SPIDR: variants seen among roughly 807,000 people sequenced by gnomAD.
SPIDR encodes DNA repair-scaffolding protein.
Under a neutral mutation model 104.6 loss-of-function variants are expected in SPIDR, and 93 were observed. The ratio of observed to expected loss-of-function variants is 0.89; its 90% CI spans 0.75 to 1.06. SPIDR has a LOEUF of 1.06. Ranked by LOEUF, SPIDR falls within the 50% of genes least tolerant of loss-of-function variation. The pLI, the probability that SPIDR is intolerant of heterozygous loss-of-function variation, is 0.00. For missense variants in SPIDR, 1,154 were observed against 1,111.2 expected, an observed-to-expected ratio of 1.04 and a Z score of -0.55; for synonymous variants, 431 against 416.9, an observed-to-expected ratio of 1.03 and a Z score of -0.41.
chr8:47,329,471 G>A (rs374035377), intron 5 of SPIDR, among the ~76,000 whole-genome samples: 13 of 152,088 alleles, frequency 8.5e-5, no homozygotes, highest in East Asian at 3.9e-4. Flanking sequence ...GCCTCGCAAC[G>A]TGTTGTATTA....
chr8:47,547,085 G>A, intron 8 of SPIDR: 1 of 544,184 alleles, frequency 1.8e-6, no homozygotes, highest in South Asian at 1.6e-5. Context: ...TGAAATCAGT[G>A]ATCTTGCCAG....
intron 8 of SPIDR, among the ~76,000 whole-genome samples, chr8:47,575,038 C>G (rs954857594): frequency 6.6e-6 from 1 of 152,064 alleles, no homozygotes; most frequent in East Asian, 1.9e-4. Flanking sequence ...CAAAACAGAA[C>G]CCCTGAGCTG....
At chr8:47,387,897 C>G (rs1554649281) in intron 5 of SPIDR, among the ~76,000 whole-genome samples, 3 of 152,184 alleles carry the variant, frequency 2.0e-5, no homozygotes, top group African/African-American at 7.2e-5. Flanking sequence ...ACTGTTAAAC[C>G]TGACATTCAA....
chr8:47,341,299 C>G (rs1426700690), intron 5 of SPIDR, among the ~76,000 whole-genome samples: 1 of 152,126 alleles, frequency 6.6e-6, no homozygotes, highest in Non-Finnish European at 1.5e-5. Flanking sequence ...ATGATATTCC[C>G]TTTCCATATG....
intron 14 of SPIDR, 23 bp downstream of exon 14, chr8:47,702,038 C>G: frequency 6.3e-7 from 1 of 1,583,868 alleles, no homozygotes; most frequent in Non-Finnish European, 8.6e-7. Flanking sequence ...CTCAATCTCT[C>G]AATCTCTCAG....
chr8:47,366,647 G>T (rs543134743), intron 5 of SPIDR, among the ~76,000 whole-genome samples: 1 of 151,728 alleles, frequency 6.6e-6, no homozygotes, highest in South Asian at 2.1e-4. Flanking sequence ...TTGGCAGGCT[G>T]GCGCCTGGTG....
intron 19 of SPIDR, among the ~76,000 whole-genome samples, chr8:47,731,964 C>G (rs2085320393): frequency 6.6e-6 from 1 of 152,240 alleles, no homozygotes; most frequent in Non-Finnish European, 1.5e-5. Flanking sequence ...TCAACAGATT[C>G]AACCAACTCT....
At position 47,708,363 on chromosome 8, in the gene SPIDR, C is replaced by A. The variant is rs2081375012; in HGVS notation, c.1978-4299C>A. On this transcript the variant is annotated intron_variant, in intron 14 of 19. Transcript: ENST00000297423. ...CAGGGCTATAAAAATTTTTATTAGA[C>A]TTTTTTCTTTTAGAGCAGTTTTAGG... Among the ~76,000 whole-genome samples the A allele has an allele frequency of 2.0e-5, 3 of 152,260 alleles. No homozygotes were observed. The South Asian group carries it at 6.2e-4, about 32-fold the overall frequency.
intron 10 of SPIDR, among the ~76,000 whole-genome samples, chr8:47,605,060 G>A (rs2062775425): frequency 6.6e-6 from 1 of 152,262 alleles, no homozygotes; most frequent in African/African-American, 2.4e-5. Context: ...AGCCAGGGCT[G>A]TGGAGGAGGT....
At position 47,458,790 on chromosome 8, in the gene SPIDR, C is replaced by T. The variant is rs571221819; in HGVS notation, c.1097+18248C>T. 3.9e-5 allele frequency among the ~76,000 whole-genome samples: 6 copies of T among 151,968 alleles called. No homozygotes were observed. In the South Asian group the frequency reaches 8.3e-4, roughly 21 times the overall value. On this transcript the variant is annotated intron_variant, in intron 8 of 19. Transcript: ENST00000297423. ...GCTGTGGGTTTATTACATTGAGGTA[C>T]ATCCTTGTATGCTGATTTTGCTGAG...
intron 16 of SPIDR, among the ~76,000 whole-genome samples, chr8:47,714,300 G>C (rs1041511177): frequency 3.9e-5 from 6 of 152,290 alleles, no homozygotes; most frequent in Admixed American, 2.0e-4. Flanking sequence ...GGAGGCAGAA[G>C]ACATCTGACA....
chr8:47,381,678 C>T (rs2059343837), intron 5 of SPIDR, among the ~76,000 whole-genome samples: 1 of 152,184 alleles, frequency 6.6e-6, no homozygotes, highest in South Asian at 2.1e-4. Context: ...CAGAAACCAG[C>T]GATTGGCAGG....
intron 8 of SPIDR, among the ~76,000 whole-genome samples, chr8:47,444,279 A>AT (rs1197048276): frequency 2.0e-5 from 3 of 152,224 alleles, no homozygotes; most frequent in African/African-American, 7.2e-5. Flanking sequence ...CATCTGCCTG[A>AT]TTACATCCTG....
chr8:47,553,950 T>C (rs2090955069), intron 8 of SPIDR, among the ~76,000 whole-genome samples: 1 of 152,208 alleles, frequency 6.6e-6, no homozygotes. Flanking sequence ...CCTTCCTGTT[T>C]GTTTGTTTTC....
At chr8:47,435,559 T>C (rs1464276710) in intron 7 of SPIDR, among the ~76,000 whole-genome samples, 8 of 152,262 alleles carry the variant, frequency 5.3e-5, no homozygotes, top group African/African-American at 1.7e-4. Flanking sequence ...TGAATCTTTC[T>C]GTTCCTGTTT....
intron 10 of SPIDR, among the ~76,000 whole-genome samples, chr8:47,644,337 TAGCTGTGCCCCAC>T (rs894858529): frequency 7.9e-5 from 12 of 152,344 alleles, no homozygotes; most frequent in Admixed American, 2.0e-4. Flanking sequence ...CTCTCCTTCT[TAGCTGTGCCCCAC>T]AGCTGTGCCC....
intron 5 of SPIDR, among the ~76,000 whole-genome samples, chr8:47,338,303 C>T (rs2050133607): frequency 6.6e-6 from 1 of 152,056 alleles, no homozygotes; most frequent in East Asian, 1.9e-4. Context: ...ATGAAATTCC[C>T]CATATAAATT....
At chr8:47,397,293 C>T (rs1179635836) in intron 6 of SPIDR, among the ~76,000 whole-genome samples, 1 of 152,074 alleles carries the variant, frequency 6.6e-6, no homozygotes, top group Non-Finnish European at 1.5e-5. Context: ...GTCAGGAGTT[C>T]GAGACCAGCC....
chr8:47,393,766 T>A (rs1281474566), intron 5 of SPIDR, among the ~76,000 whole-genome samples: 6 of 148,748 alleles, frequency 4.0e-5, no homozygotes, highest in Non-Finnish European at 7.4e-5. Flanking sequence ...TTTCTTTCTG[T>A]CTTTCTTTTC....
Sources: gnomAD v4.1 joint callset for allele counts (sites outside exome capture counted in the v4.1 genomes callset) on GRCh38, gnomAD v4.1.1 for gene constraint, MANE v1.5 for transcripts, NCBI Gene and HGNC (gene_info 2026-07-23, HGNC 2026-07-21) for gene names.